Variants in ARMCX4 observed in about 807,000 individuals in gnomAD.
ARMCX4 encodes armadillo repeat containing X-linked 4, also known as armadillo repeat-containing X-linked protein 4.
ARMCX4 carries 3 observed loss-of-function variants against 34.7 expected under a neutral mutation model. The observed-to-expected ratio is 0.09, with a 90% CI of 0.04 to 0.22. The LOEUF is 0.22. ARMCX4 is among the 10% of genes least tolerant of loss of function. The pLI is 1.00. For missense variants in ARMCX4, 1,448 were observed against 1,720.8 expected, an observed-to-expected ratio of 0.84 and a Z score of 2.81; for synonymous variants, 513 against 632.8, an observed-to-expected ratio of 0.81 and a Z score of 2.84.
At chrX:101,485,944 G>GA (rs1556006671) in intron 1 of ARMCX4, 79 bp from the exon 2 acceptor site, 1 of 111,562 alleles carries the variant, frequency 9.0e-6, no homozygotes, top group African/African-American at 3.3e-5. Flanking sequence ...CCTGAACCCG[G>GA]AAAGGCGAGT....
chrX:101,494,413 G>A lies in ARMCX4; in HGVS notation c.5824G>A (p.Gly1942Ser), dbSNP rs1934128523. The A allele has an allele frequency of 8.7e-7, 1 of 1,155,791 alleles. No homozygotes were observed. The highest frequency in any genetic ancestry group is 3.2e-5 in the East Asian group (1 of 30,779). ...TSIKDKFEAA[G>S]GVDIGSWFCA... ...CATCAAGGATAAGTTTGAGGCTGCT[G>A]GTGGAGTTGATATAGGGTCTTGGTT... The change falls in exon 6 of 6, where the codon GGT becomes AGT. Residue 1942 changes from glycine (G) to serine (S), a missense_variant. Coordinates refer to ENST00000423738, the MANE Select transcript of ARMCX4 (RefSeq NM_001256155.3).
chrX:101,493,666 G>T lies in ARMCX4; in HGVS notation c.5077G>T (p.Ala1693Ser), dbSNP rs1556010466. 8.7e-7 allele frequency: 1 copy of T among 1,154,032 alleles called. No individual in the cohort carries two copies. Among genetic ancestry groups the T allele is most frequent in the East Asian group, 3.3e-5 (1 of 30,664 alleles). ...SWAGSRPGNEAIGGSRMGSED... is the reference protein window; with the variant it reads ...SWAGSRPGNESIGGSRMGSED... ...GGCTGGATCTAGGCCTGGGAATGAG[G>T]CCATTGGAGGATCTAGGATGGGATC... The change falls in exon 6 of 6, where the codon GCC (alanine) becomes TCC (serine). Residue 1693 changes from alanine (A) to serine (S), a missense_variant. Physicochemically the swap from Ala to Ser is moderately conservative, Grantham distance 99. Transcript: ENST00000423738.
At chrX:101,505,237 T>A (rs374992464) in exon 8 of ARMCX4, 2 of 110,790 alleles carry the variant, frequency 1.8e-5, no homozygotes, top group African/African-American at 6.6e-5. Flanking sequence ...CTGCCTCTTG[T>A]GCTTGGTGTC....
chrX:101,484,082 GA>G (rs1448214068), upstream of ARMCX4, among the ~76,000 whole-genome samples: 9 of 111,648 alleles, frequency 8.1e-5, no homozygotes, highest in South Asian at 1.5e-3. Flanking sequence ...GGCAGGACAT[GA>G]AAAAACTTCT....
intron 2 of ARMCX4, among the ~76,000 whole-genome samples, chrX:101,438,171 A>G (rs1365828318): frequency 9.0e-6 from 1 of 111,650 alleles, no homozygotes; most frequent in East Asian, 2.8e-4. Context: ...GTAGATGTCT[A>G]TTAGGTCTTC....
intron 2 of ARMCX4, among the ~76,000 whole-genome samples, chrX:101,436,464 A>G (rs1183002896): frequency 9.0e-6 from 1 of 110,552 alleles, no homozygotes; most frequent in African/African-American, 3.3e-5. Context: ...TTGGTGTATA[A>G]GAATGCTTGT....
intron 2 of ARMCX4, among the ~76,000 whole-genome samples, chrX:101,443,059 A>G (rs1931401416): frequency 1.0e-5 from 1 of 98,083 alleles, no homozygotes. Context: ...TGAACCCAGG[A>G]GGCAGAGCTT....
At chrX:101,506,708 A>G (rs1265327321) in intron 8 of ARMCX4, among the ~76,000 whole-genome samples, 2 of 111,265 alleles carry the variant, frequency 1.8e-5, no homozygotes, top group African/African-American at 3.3e-5. Context: ...GGACACAACC[A>G]TTCAGTCCAT....
intron 2 of ARMCX4, among the ~76,000 whole-genome samples, chrX:101,436,483 C>T (rs201108562): frequency 9.0e-6 from 1 of 110,769 alleles, no homozygotes; most frequent in African/African-American, 3.3e-5. Context: ...GTGATTTTTG[C>T]ACATTGATTT....
chrX:101,506,483 A>G (rs1168702805), intron 8 of ARMCX4, among the ~76,000 whole-genome samples: 1 of 110,495 alleles, frequency 9.1e-6, no homozygotes, highest in African/African-American at 3.3e-5. Flanking sequence ...CTGCTTTCTC[A>G]CTGTGTCCTC....
intron 11 of ARMCX4, among the ~76,000 whole-genome samples, chrX:101,530,306 G>A (rs961397296): frequency 1.4e-4 from 15 of 110,916 alleles, no homozygotes; most frequent in East Asian, 2.8e-4. Flanking sequence ...GACACACGGC[G>A]GGGAACATCA....
chrX:101,492,488 G>C lies in ARMCX4; in HGVS notation c.3899G>C (p.Gly1300Ala). 2 of 1,153,350 alleles carry C rather than the reference G, an allele frequency of 1.7e-6. No individual in the cohort carries two copies. The highest frequency in any genetic ancestry group is 2.3e-6 in the Non-Finnish European group (2 of 871,695). Residue 1300 changes from glycine (G) to alanine (A), a missense_variant, in exon 6 of 6, where the codon GGT becomes GCT. Gly to Ala is a moderately conservative substitution (Grantham distance 60, BLOSUM62 0). Coordinates refer to ENST00000423738, the MANE Select transcript of ARMCX4 (RefSeq NM_001256155.3). ...TGGGCTGGGGTTGTGGATCAGGCCG[G>C]TGGAGGGTCCTGGGCTGGGACTAGT... ...SYWAGVVDQA[G>A]GGSWAGTSDQ...
chrX:101,505,654 G>A (rs918731525), intron 8 of ARMCX4, among the ~76,000 whole-genome samples: 6 of 111,663 alleles, frequency 5.4e-5, no homozygotes, highest in African/African-American at 1.3e-4. Context: ...AATTGAAACC[G>A]AGGGTACAGC....
chrX:101,421,866 A>G (rs1929285110), intron 2 of ARMCX4, among the ~76,000 whole-genome samples: 1 of 110,590 alleles, frequency 9.0e-6, no homozygotes, highest in African/African-American at 3.3e-5. Context: ...CCTGCTGCCT[A>G]GACAGAGATT....
Position 101,490,393 on chromosome X carries a change from C to T in ARMCX4, c.1804C>T (p.Pro602Ser). Residue 602 changes from proline (P) to serine (S), a missense_variant, in exon 6 of 6, where the codon CCT becomes TCT. Physicochemically the swap from Pro to Ser is moderately conservative, Grantham distance 74. Around this residue, in one of 2 missense-constraint regions of ARMCX4, gnomAD observed 1,343 missense variants for 1,540.7 expected, o/e 0.87. Coordinates refer to ENST00000423738, the MANE Select transcript of ARMCX4 (RefSeq NM_001256155.3). ...VVANPQGEALPGAKNKVKGNP... is the reference protein window; with the variant it reads ...VVANPQGEALSGAKNKVKGNP... ...GGCCAATCCCCAGGGTGAGGCCTTG[C>T]CTGGTGCCAAGAATAAAGTCAAGGG... The T allele has an allele frequency of 8.7e-7, 1 of 1,155,973 alleles. No individual in the cohort carries two copies.
At chrX:101,437,857 AT>A (rs1930914473) in intron 2 of ARMCX4, among the ~76,000 whole-genome samples, 1 of 111,594 alleles carries the variant, frequency 9.0e-6, no homozygotes, top group South Asian at 3.7e-4. Context: ...CTTTGTTCTC[AT>A]TGGTTTCAAA....
In ARMCX4 at chrX:101,493,217, G is replaced by A; in HGVS notation, c.4628G>A (p.Ser1543Asn). The A allele has an allele frequency of 1.7e-6, 2 of 1,156,100 alleles. No homozygotes were observed. The highest frequency in any genetic ancestry group is 2.3e-6 in the Non-Finnish European group (2 of 872,942). ...GSRPGPTNQS[S>N]AGSWDSPGSQ... ...AGGCCAGGGCCCACGAACCAGTCCA[G>A]TGCTGGGTCCTGGGATAGCCCTGGG... Residue 1543 changes from serine (S) to asparagine (N), a missense_variant, in exon 6 of 6, where the codon AGT (serine) becomes AAT (asparagine). By Grantham distance (46) the Ser-to-Asn change is conservative (BLOSUM62 1). Coordinates refer to ENST00000423738, the MANE Select transcript of ARMCX4 (RefSeq NM_001256155.3).
At chrX:101,445,302 A>C (rs782405467) in intron 3 of ARMCX4, among the ~76,000 whole-genome samples, 1 of 112,153 alleles carries the variant, frequency 8.9e-6, no homozygotes, top group Non-Finnish European at 1.9e-5. Context: ...CACTATGGAT[A>C]AAGACCACAT....
At chrX:101,519,842 T>C (rs1177700516) in intron 11 of ARMCX4, among the ~76,000 whole-genome samples, 2 of 111,408 alleles carry the variant, frequency 1.8e-5, no homozygotes, top group African/African-American at 6.5e-5. Context: ...GTTATCTTTT[T>C]TTTTTGATAA....
Sources: allele counts gnomAD v4.1 joint callset (sites outside exome capture counted in the v4.1 genomes callset), GRCh38; gene constraint gnomAD v4.1.1; regional missense constraint gnomAD v4.1.1; transcripts MANE v1.5; gene names NCBI Gene and HGNC (gene_info 2026-07-23, HGNC 2026-07-21).